HIP1: variants seen among roughly 807,000 people sequenced by gnomAD.
HIP1 encodes huntingtin-interacting protein 1.
Under a neutral mutation model 147.6 loss-of-function variants are expected in HIP1, and 65 were observed. The ratio of observed to expected loss-of-function variants is 0.44; its 90% CI spans 0.36 to 0.54. The LOEUF is 0.54. Ranked by LOEUF, HIP1 falls within the 20% of genes least tolerant of loss-of-function variation. The probability of loss-of-function intolerance (pLI) is 0.00; values close to 1 mark genes in which losing one functional copy is unlikely to be tolerated. For synonymous variants in HIP1, 479 were observed against 504.0 expected (o/e 0.95, Z 0.67); for missense variants, 1,061 against 1,299.6 (o/e 0.82, Z 2.82).
Position 75,695,056 on chromosome 7 carries a change from C to T in HIP1, c.120+43745G>A, listed in dbSNP as rs536577832. Among the ~76,000 whole-genome samples the T allele has an allele frequency of 2.1e-4, 32 of 152,282 alleles. No individual in the cohort carries two copies. The East Asian group carries it at 3.9e-3, about 18-fold the overall frequency. ...CCTAAAGATTGCCTTTTCCCCATCA[C>T]TTATTTTAGTGCTTTTGTTCCTATC... On this transcript the variant is annotated intron_variant, in intron 1 of 30. Coordinates refer to ENST00000336926, the MANE Select transcript of HIP1 (RefSeq NM_005338.7).
intron 1 of HIP1, among the ~76,000 whole-genome samples, chr7:75,660,511 A>G (rs58403219): frequency 0.023 from 3,433 of 152,234 alleles, 110 homozygotes; most frequent in East Asian, 0.17. Context: ...TGGGCAACAG[A>G]TTGAGACTCT....
chr7:75,689,901 CGTCA>C, intron 1 of HIP1, among the ~76,000 whole-genome samples: 1 of 152,220 alleles, frequency 6.6e-6, no homozygotes, highest in African/African-American at 2.4e-5. Context: ...CATCGTCATT[CGTCA>C]CTAGGCACAC....
chr7:75,604,759 T>C (rs587626681), intron 1 of HIP1, among the ~76,000 whole-genome samples: 1 of 152,266 alleles, frequency 6.6e-6, no homozygotes, highest in Non-Finnish European at 1.5e-5. Flanking sequence ...GGAGGACCCA[T>C]GATGGGTGAG....
intron 1 of HIP1, among the ~76,000 whole-genome samples, chr7:75,602,660 G>A (rs1797050393): frequency 6.6e-6 from 1 of 151,172 alleles, no homozygotes; most frequent in African/African-American, 2.4e-5. Context: ...CTGCCACCAC[G>A]CCCAGCTAAT....
At chr7:75,670,097 G>A (rs1054332656) in intron 1 of HIP1, among the ~76,000 whole-genome samples, 7 of 143,680 alleles carry the variant, frequency 4.9e-5, no homozygotes, top group Non-Finnish European at 9.1e-5. Flanking sequence ...CACCATGCCC[G>A]GCCTTAAAAT....
chr7:75,541,903 C>G lies in HIP1; in HGVS notation c.2952+16G>C, dbSNP rs75848794. ...AGGCAATAGAGGCTATCTAGACTTA[C>G]AGATGGAGCTCTCACCTGAGAATCC... On this transcript the variant is annotated intron_variant, in intron 29 of 30. Coordinates refer to ENST00000336926, the MANE Select transcript of HIP1 (RefSeq NM_005338.7). 176 of 1,589,994 alleles carry G rather than the reference C, an allele frequency of 1.1e-4. 1 individual carries two copies. In the East Asian group the frequency reaches 3.9e-3, roughly 35 times the overall value.
chr7:75,585,364 C>T (rs782757776), intron 5 of HIP1, among the ~76,000 whole-genome samples: 13 of 151,424 alleles, frequency 8.6e-5, no homozygotes, highest in Middle Eastern at 3.4e-3. Context: ...TTAGTAGAGA[C>T]GGAGTTTTGC....
chr7:75,541,316 G>T lies in HIP1; in HGVS notation c.2952+603C>A, dbSNP rs186583719. 8.5e-5 allele frequency among the ~76,000 whole-genome samples: 13 copies of T among 152,216 alleles called. No homozygotes were observed. In the South Asian group the frequency reaches 1.4e-3, roughly 17 times the overall value. ...GAGGCCAAGGCAGGCAGATCACGAG[G>T]TCAGGAGATCGAGACCATCCTGGCT... is the stretch of plus-strand genomic sequence containing the variant. On this transcript the variant is annotated intron_variant, in intron 29 of 30. Transcript: ENST00000336926.
intron 1 of HIP1, among the ~76,000 whole-genome samples, chr7:75,723,542 A>G (rs994479909): frequency 6.6e-6 from 1 of 151,406 alleles, no homozygotes; most frequent in Non-Finnish European, 1.5e-5. Context: ...GTGGAATCCG[A>G]CATCTTGCAG....
At chr7:75,672,455 C>A (rs188280408) in intron 1 of HIP1, among the ~76,000 whole-genome samples, 176 of 152,038 alleles carry the variant, frequency 1.2e-3, no homozygotes, top group African/African-American at 3.9e-3. Flanking sequence ...GCTTCCTAAG[C>A]AGCTGGGACT....
intron 1 of HIP1, among the ~76,000 whole-genome samples, chr7:75,683,680 C>G (rs1800167883): frequency 6.6e-6 from 1 of 152,198 alleles, no homozygotes; most frequent in South Asian, 2.1e-4. Flanking sequence ...TCACTGACAT[C>G]TGTGAACCTC....
intron 1 of HIP1, among the ~76,000 whole-genome samples, chr7:75,662,803 T>TAA (rs1451231163): frequency 6.6e-6 from 1 of 152,134 alleles, no homozygotes; most frequent in East Asian, 1.9e-4. Flanking sequence ...AAGAGGTTTT[T>TAA]AAAGGTTAGA....
At chr7:75,725,563 A>G (rs1272649971) in intron 1 of HIP1, among the ~76,000 whole-genome samples, 5 of 152,080 alleles carry the variant, frequency 3.3e-5, no homozygotes, top group African/African-American at 1.2e-4. Flanking sequence ...TTTACTATCT[A>G]AGCAAGCAAA....
intron 1 of HIP1, chr7:75,638,975 G>A: frequency 1.8e-6 from 1 of 558,834 alleles, no homozygotes; most frequent in Non-Finnish European, 2.3e-6. Flanking sequence ...GCGCCGGCTA[G>A]GAGGGGGAGA....
intron 1 of HIP1, among the ~76,000 whole-genome samples, chr7:75,666,308 A>G: frequency 6.6e-6 from 1 of 151,802 alleles, no homozygotes. Context: ...AGCTGGGATT[A>G]CAGGTGCATC....
intron 1 of HIP1, among the ~76,000 whole-genome samples, chr7:75,671,295 T>C (rs1356714807): frequency 1.3e-5 from 2 of 152,102 alleles, no homozygotes; most frequent in East Asian, 3.9e-4. Flanking sequence ...GGTATCACCA[T>C]GTTGGCTAGG....
chr7:75,589,404 G>C (rs927641777), intron 4 of HIP1, among the ~76,000 whole-genome samples: 40 of 152,002 alleles, frequency 2.6e-4, no homozygotes, highest in African/African-American at 9.7e-4. Flanking sequence ...CTGAAAAGGG[G>C]CTGGGCGCGA....
chr7:75,573,154 G>A (rs1554496992), intron 8 of HIP1, among the ~76,000 whole-genome samples: 1 of 152,168 alleles, frequency 6.6e-6, no homozygotes, highest in African/African-American at 2.4e-5. Context: ...CCCCTCTGAG[G>A]CCCATAAAAG....
chr7:75,581,500 C>T (rs1554498584), intron 6 of HIP1, among the ~76,000 whole-genome samples: 4 of 152,150 alleles, frequency 2.6e-5, no homozygotes, highest in African/African-American at 4.8e-5. Flanking sequence ...AGCGACAGGT[C>T]GGGGGCGGTG....
Sources: gnomAD v4.1 joint callset for allele counts (sites outside exome capture counted in the v4.1 genomes callset) on GRCh38, gnomAD v4.1.1 for gene constraint, MANE v1.5 for transcripts, NCBI Gene and HGNC (gene_info 2026-07-23, HGNC 2026-07-21) for gene names.